The following METRNL variants were observed in gnomAD, a reference collection of about 807,000 sequenced individuals.
METRNL encodes meteorin-like protein.
Under a neutral mutation model 17.4 loss-of-function variants are expected in METRNL, and 9 were observed. The ratio of observed to expected loss-of-function variants is 0.52; its 90% CI spans 0.31 to 0.90. The LOEUF is 0.90. Ranked by LOEUF, METRNL falls within the 40% of genes least tolerant of loss-of-function variation. The pLI is 0.05. For missense variants in METRNL, 408 were observed against 430.7 expected (o/e 0.95, Z 0.47); for synonymous variants, 215 against 199.3 (o/e 1.08, Z -0.66).
At chr17:83,080,803 C>T (rs1325112937) in intron 1 of METRNL, among the ~76,000 whole-genome samples, 1 of 150,242 alleles carries the variant, frequency 6.7e-6, no homozygotes, top group Non-Finnish European at 1.5e-5. Flanking sequence ...CGCGCGCCTC[C>T]CGGAGAGCCG....
chr17:83,088,355 C>T (rs1259195058), intron 2 of METRNL, among the ~76,000 whole-genome samples: 4 of 152,300 alleles, frequency 2.6e-5, no homozygotes, highest in East Asian at 1.9e-4. Context: ...AAACGGGCAC[C>T]GTTCAGTGGC....
At chr17:83,087,979 G>A (rs1463451359) in intron 2 of METRNL, among the ~76,000 whole-genome samples, 1 of 152,180 alleles carries the variant, frequency 6.6e-6, no homozygotes, top group Non-Finnish European at 1.5e-5. Context: ...GGGTTTCGTT[G>A]GTGTGATCGT....
At chr17:83,081,478 G>A (rs1463203919) in intron 1 of METRNL, among the ~76,000 whole-genome samples, 1 of 152,282 alleles carries the variant, frequency 6.6e-6, no homozygotes, top group East Asian at 1.9e-4. Flanking sequence ...GGGAGGGCGC[G>A]GTAGGCAGCC....
Position 83,085,338 on chromosome 17 carries a change from T to TGGGGCG in METRNL, c.556+23_556+28dup, listed in dbSNP as rs772100338. On this transcript the variant is annotated intron_variant, in intron 2 of 3. Transcript: ENST00000320095. Reference sequence around the variant, plus strand: ...CGAGCTGTCTGGTGAGTGTCCTGCCTGGGGCGGGGGCGGCGGGCCTCGTCA... The same window carrying TGGGGCG: ...CGAGCTGTCTGGTGAGTGTCCTGCCTGGGGCGGGGGCGGGGGCGGCGGGCCTCGTCA... 43 of 1,513,610 alleles carry TGGGGCG rather than the reference T, an allele frequency of 2.8e-5. No individual in the cohort carries two copies. In the East Asian group the frequency reaches 3.7e-4, roughly 13 times the overall value. The allele number at this position is 1,513,610 out of a possible 1,614,324, so 93.8% of individuals were successfully genotyped here.
intron 1 of METRNL, among the ~76,000 whole-genome samples, chr17:83,080,602 T>A (rs1295933134): frequency 8.1e-5 from 3 of 37,042 alleles, no homozygotes; most frequent in South Asian, 1.9e-3. Context: ...GGCCGAGGAC[T>A]TTTTTTTTTT....
intron 3 of METRNL, among the ~76,000 whole-genome samples, 160 bp downstream of exon 3, chr17:83,093,386 C>T (rs1343056291): frequency 6.6e-6 from 1 of 152,210 alleles, no homozygotes; most frequent in African/African-American, 2.4e-5. Context: ...GGGCTCGGCC[C>T]TCCACCAGCC....
At position 83,094,656 on chromosome 17, in the gene METRNL, A is replaced by C. The variant is rs2038182174; in HGVS notation, c.*81A>C. ...GCGGTCCTGGTGGGGCCGTGCGGTGAGGGCCGCGCGCTGGGAGCCGCATGC... is the reference window on the plus strand; with the variant it reads ...GCGGTCCTGGTGGGGCCGTGCGGTGCGGGCCGCGCGCTGGGAGCCGCATGC... On this transcript the variant is annotated 3_prime_UTR_variant, in exon 4 of 4. Coordinates refer to ENST00000320095, the MANE Select transcript of METRNL (RefSeq NM_001004431.3). 1.7e-6 allele frequency: 2 copies of C among 1,207,658 alleles called. No homozygotes were observed. The highest frequency in any genetic ancestry group is 2.1e-6 in the Non-Finnish European group (2 of 931,206). The allele number at this position is 1,207,658 out of a possible 1,614,324, so 74.8% of individuals were successfully genotyped here. A position where few individuals can be genotyped will look rare whatever the true frequency, so the allele number is the denominator to read the frequency against.
At chr17:83,085,908 G>A (rs1369146292) in intron 2 of METRNL, among the ~76,000 whole-genome samples, 2 of 152,236 alleles carry the variant, frequency 1.3e-5, no homozygotes, top group African/African-American at 2.4e-5. Context: ...GCCCTGAGCG[G>A]TGCTGAGCTG....
In METRNL at chr17:83,079,615, TCGG is replaced by T. The variant is rs1431916643; in HGVS notation, c.-188_-186del. 9.6e-5 allele frequency: 14 copies of T among 145,646 alleles called. No homozygotes were observed. The highest frequency in any genetic ancestry group is 1.9e-4 in the Non-Finnish European group (13 of 66,702). The allele number at this position is 145,646 out of a possible 1,614,324, so 9.0% of individuals were successfully genotyped here. A position where few individuals can be genotyped will look rare whatever the true frequency, so the allele number is the denominator to read the frequency against. The stretch of plus-strand genomic sequence containing the variant: ...ACTCGGACTCGCCAACTTCAGAGGC[TCGG>T]CGGCGGCGGCGGGCGCGGAGCTCTG... On this transcript the variant is annotated 5_prime_UTR_variant, in exon 1 of 4. Coordinates refer to ENST00000320095, the MANE Select transcript of METRNL (RefSeq NM_001004431.3).
rs185571352 is a variant in METRNL, at chr17:83,093,260, G to A, written c.616+34G>A. ...CTCCTCGGCAGCTTCTACCTCCTGTGCTCCTGGTTTCTGCCACATGGAGCT... is the reference window on the plus strand; with the variant it reads ...CTCCTCGGCAGCTTCTACCTCCTGTACTCCTGGTTTCTGCCACATGGAGCT... On this transcript the variant is annotated intron_variant, in intron 3 of 3. Coordinates refer to ENST00000320095, the MANE Select transcript of METRNL (RefSeq NM_001004431.3). 267 of 1,582,138 alleles carry A rather than the reference G, an allele frequency of 1.7e-4. 2 individuals carry two copies. The highest frequency in any genetic ancestry group is 1.4e-3 in the Admixed American group (84 of 59,714).
chr17:83,090,893 A>G (rs113939160), intron 2 of METRNL, among the ~76,000 whole-genome samples: 12 of 152,118 alleles, frequency 7.9e-5, no homozygotes, highest in African/African-American at 1.7e-4. Context: ...GCCTCTGTCC[A>G]GCACGTGCCT....
rs1012893259 is a variant in METRNL at position 83,082,047 on chromosome 17, T to G, written c.170+2062T>G. ...CACTGGCCACTGCATCGACGGCCTCTGTTGCTGGGTGTTTCTTCTAAGCAG... is the reference window on the plus strand; with the variant it reads ...CACTGGCCACTGCATCGACGGCCTCGGTTGCTGGGTGTTTCTTCTAAGCAG... On this transcript the variant is annotated intron_variant, in intron 1 of 3. Transcript: ENST00000320095. The G allele has an allele frequency of 1.4e-5, 14 of 984,626 alleles. No individual in the cohort carries two copies. The African/African-American group carries it at 2.1e-4, about 15-fold the overall frequency. The allele number at this position is 984,626 out of a possible 1,614,324, so 61.0% of individuals were successfully genotyped here. A position where few individuals can be genotyped will look rare whatever the true frequency, so the allele number is the denominator to read the frequency against.
At chr17:83,094,145 G>A in intron 3 of METRNL, 111 bp from the exon 4 acceptor site, 1 of 891,424 alleles carries the variant, frequency 1.1e-6, no homozygotes, top group Admixed American at 3.0e-5. Flanking sequence ...CAGAGTCGGG[G>A]GTCAGCTGCC....
intron 1 of METRNL, 47 bp from the exon 2 acceptor site, chr17:83,084,891 G>T (rs889432924): frequency 6.4e-7 from 1 of 1,568,796 alleles, no homozygotes. Context: ...CGGGTGGGGT[G>T]TGTGACGGGA....
intron 2 of METRNL, among the ~76,000 whole-genome samples, chr17:83,086,521 C>T (rs530101970): frequency 6.6e-6 from 1 of 152,288 alleles, no homozygotes; most frequent in East Asian, 1.9e-4. Context: ...CAGCCTTGCT[C>T]TGGGGGCCCT....
At chr17:83,086,923 G>A (rs751993241) in intron 2 of METRNL, among the ~76,000 whole-genome samples, 1 of 152,150 alleles carries the variant, frequency 6.6e-6, no homozygotes, top group Non-Finnish European at 1.5e-5. Context: ...TCTGGGGGTG[G>A]GGTCCGAGGC....
intron 2 of METRNL, among the ~76,000 whole-genome samples, chr17:83,086,595 C>T (rs1361792301): frequency 6.6e-6 from 1 of 152,184 alleles, no homozygotes; most frequent in Non-Finnish European, 1.5e-5. Context: ...GTCTTTCTAA[C>T]CGGAGGTAGA....
Position 83,079,908 on chromosome 17 carries a change from GCTGCTC to G in METRNL, c.103_108del (p.Leu35_Leu36del). The G allele has an allele frequency of 3.0e-6, 3 of 999,038 alleles. No homozygotes were observed. The highest frequency in any genetic ancestry group is 2.4e-6 in the Non-Finnish European group (2 of 840,486). The allele number at this position is 999,038 out of a possible 1,614,324, so 61.9% of individuals were successfully genotyped here. A position where few individuals can be genotyped will look rare whatever the true frequency, so the allele number is the denominator to read the frequency against. ...GCCCGCCCCCGCCGCCGCTCCCGCT[GCTGCTC>G]CTGCTCCTGGCCGGGCTGCTGGGCG... On this transcript the variant is annotated inframe_deletion, in exon 1 of 4. Transcript: ENST00000320095.
At position 83,086,864 on chromosome 17, in the gene METRNL, C is replaced by T. The variant is rs143107113; in HGVS notation, c.556+1541C>T. On this transcript the variant is annotated intron_variant, in intron 2 of 3. Coordinates refer to ENST00000320095, the MANE Select transcript of METRNL (RefSeq NM_001004431.3). ...TAGTTGTCAGCTGGGGCGACCCTTACGGAGCCTGTGCCCTCACCTTTGGGA... is the reference window on the plus strand; with the variant it reads ...TAGTTGTCAGCTGGGGCGACCCTTATGGAGCCTGTGCCCTCACCTTTGGGA... Among the ~76,000 whole-genome samples the T allele has an allele frequency of 3.2e-3, 490 of 152,220 alleles. 2 individuals are homozygous for T. Among genetic ancestry groups the T allele is most frequent in the African/African-American group, 6.8e-3 (281 of 41,532 alleles).
Sources: gnomAD v4.1 joint callset for allele counts (sites outside exome capture counted in the v4.1 genomes callset) on GRCh38, gnomAD v4.1.1 for gene constraint, MANE v1.5 for transcripts, NCBI Gene and HGNC (gene_info 2026-07-23, HGNC 2026-07-21) for gene names.